Variants in VTI1A observed in about 807,000 individuals in gnomAD.
VTI1A encodes the protein vesicle transport through interaction with t-SNAREs 1A.
Under a neutral mutation model 34.9 loss-of-function variants are expected in VTI1A, and 22 were observed. The ratio of observed to expected loss-of-function variants is 0.63; its 90% CI spans 0.45 to 0.90. The LOEUF (loss-of-function observed/expected upper bound fraction) is 0.90, where lower values mean the gene tolerates loss of function less well. VTI1A is among the 40% of genes least tolerant of loss of function. VTI1A has a pLI of 0.00. For synonymous variants in VTI1A, 87 were observed against 97.3 expected, an observed-to-expected ratio of 0.89 and a Z score of 0.62; for missense variants, 268 against 275.6, an observed-to-expected ratio of 0.97 and a Z score of 0.20.
At chr10:112,520,639 GTGTGTGTGTA>G (rs199817010) in intron 3 of VTI1A, among the ~76,000 whole-genome samples, 8,428 of 127,996 alleles carry the variant, frequency 0.066, 410 homozygotes, top group East Asian at 0.36. Flanking sequence ...GTGTGTGTGT[GTGTGTGTGTA>G]TATATATATA....
intron 5 of VTI1A, among the ~76,000 whole-genome samples, chr10:112,654,526 AC>A (rs1847156147): frequency 6.6e-6 from 1 of 151,994 alleles, no homozygotes; most frequent in African/African-American, 2.4e-5. Context: ...ACCGAGTCTA[AC>A]TGTCACCGAG....
the VTI1A span, among the ~76,000 whole-genome samples, chr10:112,833,410 G>A: frequency 6.6e-6 from 1 of 151,652 alleles, no homozygotes; most frequent in Admixed American, 6.6e-5. Context: ...TCCCTGCCTC[G>A]CCAGCCACTA....
At chr10:112,832,547 G>A in the VTI1A span, 1 of 152,250 alleles carries the variant, frequency 6.6e-6, no homozygotes, top group Non-Finnish European at 1.5e-5. Flanking sequence ...TCAGAAGAAT[G>A]AAGGGCGGCA....
Position 112,814,191 on chromosome 10 carries a change from C to G in VTI1A, c.561-1099C>G, listed in dbSNP as rs570473308. 4.6e-5 allele frequency among the ~76,000 whole-genome samples: 7 copies of G among 152,188 alleles called. No homozygotes were observed. The East Asian group carries it at 1.4e-3, about 29-fold the overall frequency. On this transcript the variant is annotated intron_variant, in intron 7 of 7. Transcript: ENST00000393077. ...GTGGGGTCTCTGTTCCGTGGGGAGC[C>G]CAGCTTCATCTCCCCAGCTCCTCCC... is the stretch of plus-strand genomic sequence containing the variant.
chr10:112,575,540 G>A (rs188484399), intron 5 of VTI1A, among the ~76,000 whole-genome samples: 9 of 152,244 alleles, frequency 5.9e-5, no homozygotes, highest in East Asian at 1.9e-4. Context: ...GAATGTTAAC[G>A]TTCATCTTCA....
intron 3 of VTI1A, among the ~76,000 whole-genome samples, chr10:112,525,761 C>T (rs1334342931): frequency 1.3e-5 from 2 of 151,808 alleles, no homozygotes; most frequent in East Asian, 3.9e-4. Context: ...GTTGTAACTT[C>T]AGAATGATTT....
intron 3 of VTI1A, among the ~76,000 whole-genome samples, chr10:112,516,979 G>A (rs949555532): frequency 6.6e-6 from 1 of 152,034 alleles, no homozygotes; most frequent in Non-Finnish European, 1.5e-5. Context: ...GATTTGTAGT[G>A]GAATATGCAG....
chr10:112,689,719 C>T (rs1315519621), intron 7 of VTI1A, among the ~76,000 whole-genome samples: 1 of 151,862 alleles, frequency 6.6e-6, no homozygotes, highest in East Asian at 1.9e-4. Context: ...CCACAAGTGG[C>T]CTACAGATTT....
rs145986320 is a variant in VTI1A, at chr10:112,661,026, G to A, written c.428-7192G>A. On this transcript the variant is annotated intron_variant, in intron 5 of 7. Coordinates refer to ENST00000393077, the MANE Select transcript of VTI1A (RefSeq NM_145206.4). ...GACAGGGTCTCAGTCTGTCACCCAG[G>A]CCGGAGTGCAGTGGCATGATCTTGC... 1.1e-3 allele frequency among the ~76,000 whole-genome samples: 160 copies of A among 152,168 alleles called. 2 individuals are homozygous for A. Among genetic ancestry groups the A allele is most frequent in the African/African-American group, 3.8e-3 (156 of 41,524 alleles).
intron 3 of VTI1A, among the ~76,000 whole-genome samples, chr10:112,490,493 T>C (rs1238786007): frequency 6.6e-6 from 1 of 152,214 alleles, no homozygotes; most frequent in Non-Finnish European, 1.5e-5. Context: ...TCCAGCTTGT[T>C]TGTTGTGTAG....
chr10:112,492,767 C>T (rs1274976983), intron 3 of VTI1A, among the ~76,000 whole-genome samples: 1 of 143,094 alleles, frequency 7.0e-6, no homozygotes, highest in African/African-American at 2.6e-5. Flanking sequence ...AGCCTGGCAA[C>T]AGTCTCAAAA....
intron 5 of VTI1A, chr10:112,538,532 A>C (rs1850739524): frequency 1.9e-6 from 1 of 522,032 alleles, no homozygotes; most frequent in Non-Finnish European, 3.5e-6. Flanking sequence ...ACAGTTCCTG[A>C]GGTTTAAAAG....
intron 1 of VTI1A, among the ~76,000 whole-genome samples, chr10:112,459,608 A>AG (rs1471199279): frequency 6.6e-6 from 1 of 152,188 alleles, no homozygotes; most frequent in African/African-American, 2.4e-5. Flanking sequence ...TGAAGAGAGT[A>AG]GGGGCTGTTG....
At chr10:112,763,231 G>A (rs1419271164) in intron 7 of VTI1A, among the ~76,000 whole-genome samples, 6 of 152,058 alleles carry the variant, frequency 3.9e-5, no homozygotes, top group Non-Finnish European at 8.8e-5. Context: ...ACAAGGTCAG[G>A]AGATCGAGAC....
At chr10:112,671,193 G>A (rs1337609291) in intron 7 of VTI1A, among the ~76,000 whole-genome samples, 1 of 152,152 alleles carries the variant, frequency 6.6e-6, no homozygotes, top group African/African-American at 2.4e-5. Context: ...TGCTTTCCCT[G>A]TTACAACCCT....
intron 7 of VTI1A, among the ~76,000 whole-genome samples, chr10:112,778,352 A>G (rs900678271): frequency 2.0e-5 from 3 of 152,140 alleles, no homozygotes; most frequent in Non-Finnish European, 2.9e-5. Flanking sequence ...TGCCAAGACC[A>G]TTCACCATTG....
intron 3 of VTI1A, among the ~76,000 whole-genome samples, chr10:112,480,532 A>C (rs1399787905): frequency 6.6e-6 from 1 of 152,138 alleles, no homozygotes; most frequent in Admixed American, 6.5e-5. Flanking sequence ...GTGCATGTGC[A>C]TGTGCATGTG....
chr10:112,509,480 A>G (rs12263620), intron 3 of VTI1A, among the ~76,000 whole-genome samples: 19,396 of 152,178 alleles, frequency 0.13, 1,437 homozygotes, highest in East Asian at 0.28. Flanking sequence ...AAAAGAAAAA[A>G]GAATGACCTC....
In VTI1A at chr10:112,817,750, T is replaced by C. The variant is rs1853565929; in HGVS notation, c.*2367T>C. 4.3e-6 allele frequency: 1 copy of C among 229,934 alleles called. No homozygotes were observed. Among genetic ancestry groups the C allele is most frequent in the Non-Finnish European group, 8.6e-6 (1 of 116,050 alleles). 14.2% of individuals were successfully genotyped at this position (229,934 alleles called of 1,614,324 possible). On this transcript the variant is annotated 3_prime_UTR_variant, in exon 8 of 8. Coordinates refer to ENST00000393077, the MANE Select transcript of VTI1A (RefSeq NM_145206.4). ...ATAACGTCCACAGACTTGAAGCAGA[T>C]AGTGAAGTAGATCTGTGAGAGGTTC...
Sources: allele counts gnomAD v4.1 joint callset (sites outside exome capture counted in the v4.1 genomes callset), GRCh38; gene constraint gnomAD v4.1.1; transcripts MANE v1.5; gene names NCBI Gene and HGNC (gene_info 2026-07-23, HGNC 2026-07-21).